Variants in GRID2 observed in about 807,000 individuals in gnomAD.
GRID2 encodes glutamate receptor ionotropic, delta-2.
A neutral mutation model predicts 114.8 loss-of-function variants in GRID2; 33 were observed. The observed-to-expected ratio is 0.29, with a 90% CI of 0.22 to 0.38. GRID2 has a LOEUF of 0.38. GRID2 is among the 10% of genes least tolerant of loss of function. The probability of loss-of-function intolerance (pLI) is 1.00; values close to 1 mark genes in which losing one functional copy is unlikely to be tolerated. For missense variants in GRID2, 1,184 were observed against 1,257.7 expected, an observed-to-expected ratio of 0.94 and a Z score of 0.89; for synonymous variants, 505 against 449.9, an observed-to-expected ratio of 1.12 and a Z score of -1.55.
chr4:93,063,163 T>G (rs757786444), intron 2 of GRID2, among the ~76,000 whole-genome samples: 1 of 151,914 alleles, frequency 6.6e-6, no homozygotes, highest in Non-Finnish European at 1.5e-5. Flanking sequence ...AATAGTACTA[T>G]GAAATTCAAC....
chr4:93,805,722 A>C (rs1735015917), intron 1 of GRID2, among the ~76,000 whole-genome samples: 1 of 152,190 alleles, frequency 6.6e-6, no homozygotes, highest in Non-Finnish European at 1.5e-5. Flanking sequence ...GTTGATTTAC[A>C]GTTTTTGATT....
At chr4:92,930,985 T>G (rs532559798) in intron 2 of GRID2, among the ~76,000 whole-genome samples, 4 of 150,924 alleles carry the variant, frequency 2.7e-5, no homozygotes, top group Non-Finnish European at 4.5e-5. Flanking sequence ...ACTCAGAAAT[T>G]AAGGAAGGAA....
At chr4:92,641,603 G>C (rs1731354997) in intron 2 of GRID2, among the ~76,000 whole-genome samples, 1 of 151,748 alleles carries the variant, frequency 6.6e-6, no homozygotes, top group African/African-American at 2.4e-5. Flanking sequence ...TTCTGGAAAT[G>C]TACAACATGA....
Position 93,080,482 on chromosome 4 carries a change from A to T in GRID2, c.245-4513A>T, listed in dbSNP as rs554471582. 1.4e-4 allele frequency among the ~76,000 whole-genome samples: 22 copies of T among 152,340 alleles called. No individual in the cohort carries two copies. The South Asian group carries it at 4.3e-3, about 30-fold the overall frequency. ...TACTGTTTCTCAGAAAGGGTTACAC[A>T]TCAGAACTATTCAGGTAACATTTCA... On this transcript the variant is annotated intron_variant, in intron 2 of 15. Transcript: ENST00000282020.
chr4:93,425,628 C>G (rs905934961), intron 10 of GRID2, among the ~76,000 whole-genome samples: 1 of 152,156 alleles, frequency 6.6e-6, no homozygotes, highest in South Asian at 2.1e-4. Flanking sequence ...TAGGGGTCAG[C>G]TAAGGATTTT....
At chr4:93,414,370 A>T (rs1767497379) in intron 9 of GRID2, among the ~76,000 whole-genome samples, 5 of 152,080 alleles carry the variant, frequency 3.3e-5, no homozygotes, top group Admixed American at 3.3e-4. Context: ...TATCTTAGTC[A>T]AAGTAACAGC....
At chr4:93,137,975 T>TTTG (rs1428669798) in intron 4 of GRID2, among the ~76,000 whole-genome samples, 1 of 140,580 alleles carries the variant, frequency 7.1e-6, no homozygotes, top group African/African-American at 2.6e-5. Flanking sequence ...CGTTTTTTTT[T>TTTG]TTTTTTTTTT....
At chr4:93,152,769 T>C (rs900670652) in intron 4 of GRID2, among the ~76,000 whole-genome samples, 3 of 152,102 alleles carry the variant, frequency 2.0e-5, no homozygotes, top group Non-Finnish European at 4.4e-5. Context: ...AGGAAATGTT[T>C]TAGATATTTC....
chr4:92,800,963 C>T (rs1407974527), intron 2 of GRID2, among the ~76,000 whole-genome samples: 1 of 151,802 alleles, frequency 6.6e-6, no homozygotes. Context: ...TTTTTTCATC[C>T]GGAAACATAA....
chr4:92,669,580 T>C (rs942865681), intron 2 of GRID2, among the ~76,000 whole-genome samples: 2 of 151,828 alleles, frequency 1.3e-5, no homozygotes, highest in Non-Finnish European at 2.9e-5. Context: ...TATAGGACCA[T>C]AAAGCAAATG....
intron 8 of GRID2, among the ~76,000 whole-genome samples, chr4:93,298,279 C>A (rs1299889518): frequency 3.3e-5 from 5 of 152,136 alleles, no homozygotes; most frequent in Non-Finnish European, 7.3e-5. Flanking sequence ...GGCTTATAAA[C>A]AACAGAAATT....
chr4:93,442,572 A>G (rs903613081), intron 10 of GRID2, among the ~76,000 whole-genome samples: 4 of 152,000 alleles, frequency 2.6e-5, no homozygotes, highest in African/African-American at 9.7e-5. Context: ...CTTGTTCTTC[A>G]AGAGCTAAGC....
intron 2 of GRID2, among the ~76,000 whole-genome samples, chr4:92,803,585 T>C (rs1012442792): frequency 6.6e-6 from 1 of 152,000 alleles, no homozygotes; most frequent in Non-Finnish European, 1.5e-5. Flanking sequence ...TCTCCTCATA[T>C]AATAACTTTT....
rs377666913 is a variant in GRID2, at chr4:93,612,407, C to T, written c.2194-13862C>T. Among the ~76,000 whole-genome samples the T allele has an allele frequency of 2.6e-3, 379 of 146,486 alleles. 9 individuals are homozygous for T. The highest frequency in any genetic ancestry group is 9.0e-3 in the African/African-American group (355 of 39,546). ...AGTTGATGCAGTTTCTTCCTAGTCT[C>T]GATGGGCTTTACATTTTGGCATGAT... On this transcript the variant is annotated intron_variant, in intron 13 of 15. Coordinates refer to ENST00000282020, the MANE Select transcript of GRID2 (RefSeq NM_001510.4).
At chr4:92,554,170 G>A (rs1726736542) in intron 1 of GRID2, among the ~76,000 whole-genome samples, 1 of 152,178 alleles carries the variant, frequency 6.6e-6, no homozygotes, top group Non-Finnish European at 1.5e-5. Flanking sequence ...AGCTGAGATT[G>A]CAAAGGGGCA....
At chr4:92,424,367 G>T (rs1732052759) in intron 1 of GRID2, among the ~76,000 whole-genome samples, 1 of 152,082 alleles carries the variant, frequency 6.6e-6, no homozygotes, top group South Asian at 2.1e-4. Flanking sequence ...CTTACAACTG[G>T]ACAATACTCC....
chr4:93,063,089 G>A (rs1371695517), intron 2 of GRID2, among the ~76,000 whole-genome samples: 1 of 151,816 alleles, frequency 6.6e-6, no homozygotes, highest in African/African-American at 2.4e-5. Flanking sequence ...TGATGTTTGG[G>A]CTTTCTTACA....
intron 7 of GRID2, among the ~76,000 whole-genome samples, chr4:93,225,247 G>A (rs973753046): frequency 2.0e-5 from 3 of 152,154 alleles, no homozygotes; most frequent in African/African-American, 7.2e-5. Context: ...CAGCATTTGT[G>A]AACTATTTGG....
chr4:93,518,165 A>C (rs1729994071), intron 13 of GRID2, among the ~76,000 whole-genome samples: 1 of 151,324 alleles, frequency 6.6e-6, no homozygotes, highest in African/African-American at 2.4e-5. Context: ...CTCACAATCT[A>C]TAACTTTAAA....
Sources: allele counts gnomAD v4.1 joint callset (sites outside exome capture counted in the v4.1 genomes callset), GRCh38; gene constraint gnomAD v4.1.1; transcripts MANE v1.5; gene names NCBI Gene and HGNC (gene_info 2026-07-23, HGNC 2026-07-21).